Variants in DLGAP2 observed in about 807,000 individuals in gnomAD.
The protein encoded by DLGAP2 is disks large-associated protein 2.
Under a neutral mutation model 100.3 loss-of-function variants are expected in DLGAP2, and 26 were observed. The observed-to-expected ratio is 0.26, with a 90% CI of 0.19 to 0.36. DLGAP2 has a LOEUF of 0.36. Among genes scored for constraint, DLGAP2 ranks in the 10% least tolerant of loss-of-function variants. The pLI is 1.00. For synonymous variants in DLGAP2, 886 were observed against 630.1 expected (o/e 1.41, Z -6.08); for missense variants, 1,858 against 1,453.2 (o/e 1.28, Z -4.53).
intron 3 of DLGAP2, among the ~76,000 whole-genome samples, chr8:1,391,930 G>A (rs937313971): frequency 3.9e-5 from 6 of 152,064 alleles, no homozygotes; most frequent in African/African-American, 1.2e-4. Flanking sequence ...TGGAGGAGCC[G>A]TCGGTGTCTG....
At chr8:1,606,592 G>T (rs1796807744) in intron 6 of DLGAP2, among the ~76,000 whole-genome samples, 2 of 152,180 alleles carry the variant, frequency 1.3e-5, no homozygotes, top group Non-Finnish European at 2.9e-5. Flanking sequence ...CCATTGTATG[G>T]ATAGACCACA....
In DLGAP2 at chr8:1,661,109, C is replaced by T. The variant is rs142846712; in HGVS notation, c.1811-7220C>T. On this transcript the variant is annotated intron_variant, in intron 8 of 14. Coordinates refer to ENST00000637795, the MANE Select transcript of DLGAP2 (RefSeq NM_001346810.2). ...CAGTTCACAAGTGTTCAAGCTCTAG[C>T]TCTTTCCAAGAAAACGTTGTCTAAA... is the stretch of plus-strand genomic sequence containing the variant. Among the ~76,000 whole-genome samples the T allele has an allele frequency of 4.2e-3, 642 of 152,316 alleles. 5 individuals carry two copies. Among genetic ancestry groups the T allele is most frequent in the African/African-American group, 0.014 (597 of 41,570 alleles).
chr8:1,555,991 A>C (rs553625135), intron 5 of DLGAP2, among the ~76,000 whole-genome samples: 16 of 152,326 alleles, frequency 1.1e-4, no homozygotes, highest in African/African-American at 3.6e-4. Context: ...GGGTGGGTGC[A>C]TGCGCTGTTT....
rs563610935 is a variant in DLGAP2, at chr8:1,033,451, C to T, written c.73+125485C>T. On this transcript the variant is annotated intron_variant, in intron 2 of 14. Transcript: ENST00000637795. Reference sequence around the variant, plus strand: ...AGGGGCTGAGGCGGGCAGATTGCCTCAGCTGAGGAGTTCAAGACCAGCCTG... The same window carrying T: ...AGGGGCTGAGGCGGGCAGATTGCCTTAGCTGAGGAGTTCAAGACCAGCCTG... Among the ~76,000 whole-genome samples, 19 of 152,232 alleles carry T rather than the reference C, an allele frequency of 1.2e-4. No individual in the cohort carries two copies. The South Asian group carries it at 3.7e-3, about 30-fold the overall frequency.
At chr8:1,613,714 C>T (rs1036945783) in intron 6 of DLGAP2, among the ~76,000 whole-genome samples, 3 of 152,154 alleles carry the variant, frequency 2.0e-5, no homozygotes, top group South Asian at 2.1e-4. Context: ...AGTTTAACAG[C>T]AGCAGTAAAG....
intron 2 of DLGAP2, among the ~76,000 whole-genome samples, chr8:1,024,864 A>G (rs952933888): frequency 6.6e-6 from 1 of 152,170 alleles, no homozygotes; most frequent in Non-Finnish European, 1.5e-5. Flanking sequence ...CCATTTCCCA[A>G]CTGCAGCCCT....
chr8:945,783 C>T (rs1427010242), intron 2 of DLGAP2, among the ~76,000 whole-genome samples: 1 of 152,016 alleles, frequency 6.6e-6, no homozygotes, highest in African/African-American at 2.4e-5. Flanking sequence ...CTCTCTCTCA[C>T]TCTCTCCCTC....
intron 1 of DLGAP2, among the ~76,000 whole-genome samples, chr8:854,831 G>C (rs143858268): frequency 6.6e-6 from 1 of 152,206 alleles, no homozygotes; most frequent in African/African-American, 2.4e-5. Flanking sequence ...CCTGAGATGC[G>C]ATGAAGCTCT....
At chr8:1,473,650 T>G (rs972345917) in intron 3 of DLGAP2, among the ~76,000 whole-genome samples, 2 of 152,182 alleles carry the variant, frequency 1.3e-5, no homozygotes, top group Non-Finnish European at 2.9e-5. Flanking sequence ...GGTTTGGCTG[T>G]GTCCCCACCC....
At chr8:1,301,604 C>T (rs963406874) in intron 3 of DLGAP2, 1 of 152,218 alleles carries the variant, frequency 6.6e-6, no homozygotes, top group Non-Finnish European at 1.5e-5. Context: ...GCGTCCCTGC[C>T]TGATGGACTC....
At chr8:1,030,232 G>A (rs956496508) in intron 2 of DLGAP2, among the ~76,000 whole-genome samples, 1 of 152,198 alleles carries the variant, frequency 6.6e-6, no homozygotes, top group Non-Finnish European at 1.5e-5. Context: ...CAGATGTTCA[G>A]CCTCGTAATT....
chr8:1,502,814 T>G (rs1799768379), intron 4 of DLGAP2, among the ~76,000 whole-genome samples: 1 of 152,176 alleles, frequency 6.6e-6, no homozygotes, highest in Non-Finnish European at 1.5e-5. Context: ...GTCATAGTTG[T>G]GTCTATTCCA....
chr8:1,269,412 G>C (rs1160056839), intron 3 of DLGAP2, among the ~76,000 whole-genome samples: 10 of 152,292 alleles, frequency 6.6e-5, no homozygotes, highest in Admixed American at 5.9e-4. Context: ...GGTGAGCCTA[G>C]GTCAGAGCCA....
intron 6 of DLGAP2, among the ~76,000 whole-genome samples, chr8:1,593,270 C>G (rs1485058028): frequency 6.6e-6 from 1 of 151,872 alleles, no homozygotes; most frequent in South Asian, 2.1e-4. Context: ...CTGGGTAACA[C>G]GGTGCAACCC....
chr8:1,090,903 G>C (rs1349208937), intron 2 of DLGAP2, among the ~76,000 whole-genome samples: 3 of 152,306 alleles, frequency 2.0e-5, no homozygotes, highest in East Asian at 3.9e-4. Flanking sequence ...TATGATTTCA[G>C]TTTAAACTTA....
intron 3 of DLGAP2, among the ~76,000 whole-genome samples, chr8:1,356,547 G>T (rs1003426536): frequency 6.6e-6 from 1 of 152,042 alleles, no homozygotes; most frequent in African/African-American, 2.4e-5. Flanking sequence ...CCTCCCTCGG[G>T]GTCCACACTG....
At chr8:1,073,699 A>G (rs1371847192) in intron 2 of DLGAP2, among the ~76,000 whole-genome samples, 1 of 152,210 alleles carries the variant, frequency 6.6e-6, no homozygotes, top group Non-Finnish European at 1.5e-5. Context: ...TGGAACTTGA[A>G]TTTGGCCAGT....
intron 6 of DLGAP2, among the ~76,000 whole-genome samples, chr8:1,595,809 C>A (rs925418288): frequency 6.6e-6 from 1 of 151,822 alleles, no homozygotes; most frequent in African/African-American, 2.4e-5. Flanking sequence ...ATTTAGTAGT[C>A]TGAACTAAGT....
chr8:1,679,600 T>C (rs896545384), intron 12 of DLGAP2, among the ~76,000 whole-genome samples: 2 of 152,258 alleles, frequency 1.3e-5, no homozygotes, highest in African/African-American at 4.8e-5. Flanking sequence ...GTCCCGTTGG[T>C]ACTCACCTAT....
Sources: allele counts gnomAD v4.1 joint callset (sites outside exome capture counted in the v4.1 genomes callset), GRCh38; gene constraint gnomAD v4.1.1; transcripts MANE v1.5; gene names NCBI Gene and HGNC (gene_info 2026-07-23, HGNC 2026-07-21).